The following DPP9 variants were observed in gnomAD, a reference collection of about 807,000 sequenced individuals.
DPP9 encodes dipeptidyl peptidase 9.
DPP9 carries 50 observed loss-of-function variants against 110.7 expected under a neutral mutation model. That is an observed-to-expected ratio of 0.45 (90% CI 0.36 to 0.57). The LOEUF is 0.57. Ranked by LOEUF, DPP9 falls within the 20% of genes least tolerant of loss-of-function variation. The pLI is 0.00. For missense variants in DPP9, 1,022 were observed against 1,217.9 expected, an observed-to-expected ratio of 0.84 and a Z score of 2.39; for synonymous variants, 561 against 514.4, an observed-to-expected ratio of 1.09 and a Z score of -1.23.
intron 21 of DPP9, among the ~76,000 whole-genome samples, chr19:4,679,085 A>T (rs1186825078): frequency 9.3e-6 from 1 of 108,028 alleles, no homozygotes; most frequent in East Asian, 2.6e-4. Flanking sequence ...CCTCCTCTAC[A>T]GCAGAAGCCC....
In DPP9 at chr19:4,695,317, G is replaced by A. The variant is rs529446084; in HGVS notation, c.1353+61C>T. The A allele has an allele frequency of 8.2e-5, 122 of 1,481,708 alleles. No individual in the cohort carries two copies. In the African/African-American group the frequency reaches 1.4e-3, roughly 17 times the overall value. The allele number at this position is 1,481,708 out of a possible 1,614,324, so 91.8% of individuals were successfully genotyped here. On this transcript the variant is annotated intron_variant, in intron 12 of 21. Coordinates refer to ENST00000262960, the MANE Select transcript of DPP9 (RefSeq NM_139159.5). The surrounding 1 kb of genome is among the most constrained non-coding windows in gnomAD (Gnocchi z 4.7). ...GGCGCTCAGCCTTCTAGGACGTGGGGGTGGGGACAGTGTGACTCCAGGGCC... is the reference window on the plus strand; with the variant it reads ...GGCGCTCAGCCTTCTAGGACGTGGGAGTGGGGACAGTGTGACTCCAGGGCC...
At chr19:4,712,551 TA>T (rs879752631) in intron 4 of DPP9, among the ~76,000 whole-genome samples, 37 of 145,686 alleles carry the variant, frequency 2.5e-4, no homozygotes, top group African/African-American at 2.5e-4. Flanking sequence ...ACCTCATCTC[TA>T]AAAAAAAAAA....
intron 16 of DPP9, among the ~76,000 whole-genome samples, chr19:4,686,733 G>A (rs2090773428): frequency 2.0e-5 from 3 of 152,150 alleles, no homozygotes; most frequent in Non-Finnish European, 2.9e-5. Flanking sequence ...AATGTATGTA[G>A]GTAAATTTTG....
intron 4 of DPP9, among the ~76,000 whole-genome samples, chr19:4,706,330 CAA>C (rs59568017): frequency 7.6e-5 from 8 of 105,684 alleles, no homozygotes; most frequent in Non-Finnish European, 1.2e-4. Context: ...GGCCCCGTCT[CAA>C]AAAAAAAAAA....
chr19:4,722,874 G>T, intron 1 of DPP9: 2 of 304,272 alleles, frequency 6.6e-6, no homozygotes, highest in South Asian at 4.5e-5. Flanking sequence ...TCCTCCTGGG[G>T]CCCCTGGGGA....
intron 21 of DPP9, 195 bp downstream of exon 21, chr19:4,679,640 A>C: frequency 1.7e-6 from 1 of 582,008 alleles, no homozygotes. Flanking sequence ...CTGAGCTGTC[A>C]AGACAGGACT....
rs780477628 is a variant in DPP9 at position 4,685,725 on chromosome 19, C to T, written c.1932G>A (p.Thr644=). The T allele has an allele frequency of 9.3e-6, 15 of 1,613,286 alleles. No individual in the cohort carries two copies. Among genetic ancestry groups the T allele is most frequent in the South Asian group, 5.5e-5 (5 of 91,040 alleles). Residue 644 remains threonine, a synonymous_variant, in exon 17 of 22, where the codon ACG becomes ACA. Transcript: ENST00000262960. This position sits in a 1 kb window ranked among gnomAD's most constrained non-coding sequence, Gnocchi z 5.8. The part of the protein sequence containing the change: ...YVPPEIFHFH[T]RSDVRLYGMI... Reference sequence around the variant, plus strand: ...TGCCGTAGAGCCGCACATCCGAGCGCGTGTGGAAATGGAAGATCTCTGGAG... The same window carrying T: ...TGCCGTAGAGCCGCACATCCGAGCGTGTGTGGAAATGGAAGATCTCTGGAG...
rs1419451205 is a variant in DPP9 at position 4,687,255 on chromosome 19, G to A, written c.1886-1484C>T. Among the ~76,000 whole-genome samples the A allele has an allele frequency of 2.0e-5, 3 of 152,114 alleles. No individual in the cohort carries two copies. Among genetic ancestry groups the A allele is most frequent in the Non-Finnish European group, 4.4e-5 (3 of 68,024 alleles). ...TGCTTTCCAGCCCACGGAATACCCCGCATATGCTGGAAATTCGTTGTGTTT... is the reference window on the plus strand; with the variant it reads ...TGCTTTCCAGCCCACGGAATACCCCACATATGCTGGAAATTCGTTGTGTTT... On this transcript the variant is annotated intron_variant, in intron 16 of 21. Coordinates refer to ENST00000262960, the MANE Select transcript of DPP9 (RefSeq NM_139159.5). The surrounding 1 kb of genome is among the most constrained non-coding windows in gnomAD (Gnocchi z 4.7).
Position 4,682,752 on chromosome 19 carries a change from G to A in DPP9, c.2418C>T (p.Asn806=). The A allele has an allele frequency of 6.2e-7, 1 of 1,607,912 alleles. No homozygotes were observed. The highest frequency in any genetic ancestry group is 8.5e-7 in the Non-Finnish European group (1 of 1,177,446). Residue 806 remains asparagine, a synonymous_variant, in exon 20 of 22, where the codon AAC becomes AAT. Coordinates refer to ENST00000262960, the MANE Select transcript of DPP9 (RefSeq NM_139159.5). The surrounding 1 kb of genome is among the most constrained non-coding windows in gnomAD (Gnocchi z 7.1). Reference sequence around the variant, plus strand: ...CGGAACCCGCCTCATAGCCGTGCTGGTTGTTCTCAGGGACGTCCATGTAGC... The same window carrying A: ...CGGAACCCGCCTCATAGCCGTGCTGATTGTTCTCAGGGACGTCCATGTAGC... ...TERYMDVPEN[N]QHGYEAGSVA...
At chr19:4,677,075 G>A (rs888931461) in intron 21 of DPP9, among the ~76,000 whole-genome samples, 3 of 152,178 alleles carry the variant, frequency 2.0e-5, no homozygotes, top group Admixed American at 6.5e-5. Flanking sequence ...CAAAAGGCAT[G>A]TGACTAGCTC....
chr19:4,700,721 A>G lies in DPP9; in HGVS notation c.1013-444T>C, dbSNP rs1030070194. On this transcript the variant is annotated intron_variant, in intron 9 of 21. Coordinates refer to ENST00000262960, the MANE Select transcript of DPP9 (RefSeq NM_139159.5). This position sits in a 1 kb window ranked among gnomAD's most constrained non-coding sequence, Gnocchi z 4.3. ...CATGCAAAACCAGGGAGCCCGTGTG[A>G]CAGCCAGACCTGCGCCCTCCGGAGG... Among the ~76,000 whole-genome samples, 1 of 152,200 alleles carries G rather than the reference A, an allele frequency of 6.6e-6. No individual in the cohort carries two copies.
At position 4,695,294 on chromosome 19, in the gene DPP9, C is replaced by A; in HGVS notation, c.1353+84G>T. ...AAGGGCAAACACCACCTGCCATTGG[C>A]GCTCAGCCTTCTAGGACGTGGGGGT... On this transcript the variant is annotated intron_variant, in intron 12 of 21. Transcript: ENST00000262960. The surrounding 1 kb of genome is among the most constrained non-coding windows in gnomAD (Gnocchi z 4.7). 1 of 1,393,962 alleles carries A rather than the reference C, an allele frequency of 7.2e-7. No homozygotes were observed. 86.3% of individuals were successfully genotyped at this position (1,393,962 alleles called of 1,614,324 possible).
rs940546543 is a variant in DPP9, at chr19:4,682,404, G to A, written c.2474+292C>T. ...GGGAGGCTTGCCTGTGAAAAGCAGT[G>A]ACTCGAATTCCCTCATCTTTCCCAG... On this transcript the variant is annotated intron_variant, in intron 20 of 21. Coordinates refer to ENST00000262960, the MANE Select transcript of DPP9 (RefSeq NM_139159.5). This position sits in a 1 kb window ranked among gnomAD's most constrained non-coding sequence, Gnocchi z 7.1. 6.6e-6 allele frequency among the ~76,000 whole-genome samples: 1 copy of A among 152,182 alleles called. No individual in the cohort carries two copies. Among genetic ancestry groups the A allele is most frequent in the Admixed American group, 6.5e-5 (1 of 15,276 alleles).
Position 4,722,305 on chromosome 19 carries a change from C to G in DPP9, c.-36+194G>C. ...TTCAAAAAGCTCCTTCCAGGGGCAGCTAGAGGGGGACAGGGGTGGAAAGAA... is the reference window on the plus strand; with the variant it reads ...TTCAAAAAGCTCCTTCCAGGGGCAGGTAGAGGGGGACAGGGGTGGAAAGAA... On this transcript the variant is annotated intron_variant, in intron 2 of 21. Coordinates refer to ENST00000262960, the MANE Select transcript of DPP9 (RefSeq NM_139159.5). The G allele has an allele frequency of 8.7e-6, 5 of 573,720 alleles. No homozygotes were observed. In the East Asian group the frequency reaches 1.5e-4, roughly 17 times the overall value. 35.5% of individuals were successfully genotyped at this position (573,720 alleles called of 1,614,324 possible).
At chr19:4,691,473 C>CAAA (rs546841302) in intron 13 of DPP9, among the ~76,000 whole-genome samples, 4 of 119,554 alleles carry the variant, frequency 3.3e-5, no homozygotes, top group African/African-American at 1.2e-4. Flanking sequence ...GAACCCGTCT[C>CAAA]AAAAAAAAAA....
intron 16 of DPP9, 85 bp downstream of exon 16, chr19:4,688,672 G>C: frequency 7.4e-7 from 1 of 1,348,084 alleles, no homozygotes; most frequent in Non-Finnish European, 9.5e-7. Flanking sequence ...CCAGGCCTCT[G>C]CCTCTTTCCC....
intron 7 of DPP9, among the ~76,000 whole-genome samples, 170 bp from the exon 8 acceptor site, chr19:4,702,886 GC>G (rs1175173645): frequency 6.7e-6 from 1 of 149,782 alleles, no homozygotes; most frequent in Non-Finnish European, 1.5e-5. Flanking sequence ...GGAGCCGACT[GC>G]TTTCAAGCAG....
intron 7 of DPP9, among the ~76,000 whole-genome samples, chr19:4,703,670 CAA>C (rs561951827): frequency 2.0e-4 from 24 of 117,556 alleles, no homozygotes; most frequent in Non-Finnish European, 2.0e-4. Context: ...GAGACTCTCT[CAA>C]AAAAAAAAAA....
chr19:4,686,401 C>T lies in DPP9; in HGVS notation c.1886-630G>A, dbSNP rs2090727320. Among the ~76,000 whole-genome samples the T allele has an allele frequency of 3.3e-5, 5 of 149,998 alleles. No individual in the cohort carries two copies. In the South Asian group the frequency reaches 1.0e-3, roughly 31 times the overall value. On this transcript the variant is annotated intron_variant, in intron 16 of 21. Coordinates refer to ENST00000262960, the MANE Select transcript of DPP9 (RefSeq NM_139159.5). Reference sequence around the variant, plus strand: ...GTGGCACGATCTTGGTTCACGGCAACTTGCACCTCCTGGGTTTGAGCAATT... The same window carrying T: ...GTGGCACGATCTTGGTTCACGGCAATTTGCACCTCCTGGGTTTGAGCAATT...
Sources: gnomAD v4.1 joint callset for allele counts (sites outside exome capture counted in the v4.1 genomes callset) on GRCh38, gnomAD v4.1.1 for gene constraint, Gnocchi (gnomAD v3.1) non-coding constraint, MANE v1.5 for transcripts, NCBI Gene and HGNC (gene_info 2026-07-23, HGNC 2026-07-21) for gene names.